GIMAP6: variants seen among roughly 807,000 people sequenced by gnomAD.
GIMAP6 encodes GTPase, IMAP family member 6, also known as GTPase IMAP family member 6.
In GIMAP6, 6 loss-of-function variants were observed where a neutral mutation model predicts 9.3. The ratio of observed to expected loss-of-function variants is 0.65; its 90% CI spans 0.35 to 1.27. The LOEUF (loss-of-function observed/expected upper bound fraction) is 1.27, where lower values mean the gene tolerates loss of function less well. Among genes scored for constraint, GIMAP6 ranks in the 50% most tolerant of loss-of-function variants. GIMAP6 has a pLI of 0.03. For missense variants in GIMAP6, 333 were observed against 359.5 expected (o/e 0.93, Z 0.60); for synonymous variants, 156 against 151.1 (o/e 1.03, Z -0.24).
In GIMAP6 at chr7:150,627,869, A is replaced by G. The variant is rs768055792; in HGVS notation, c.729T>C (p.Phe243=). Reference sequence around the variant, plus strand: ...GCCTTTCCTGTAGTTCTTTCAGCCGAAAGTTTTGCTGGGTATATTGGTAAG... The same window carrying G: ...GCCTTTCCTGTAGTTCTTTCAGCCGGAAGTTTTGCTGGGTATATTGGTAAG... ...NKAYQYTQQN[F]RLKELQERQV... The change falls in exon 3 of 3, where the codon TTT becomes TTC. Residue 243 remains phenylalanine, a synonymous_variant. Transcript: ENST00000328902. 1.1e-5 allele frequency: 17 copies of G among 1,614,128 alleles called. No individual in the cohort carries two copies. The highest frequency in any genetic ancestry group is 1.4e-5 in the Non-Finnish European group (16 of 1,180,040).
intron 1 of GIMAP6, among the ~76,000 whole-genome samples, chr7:150,631,299 G>C (rs1353546776): frequency 2.0e-5 from 3 of 152,212 alleles, no homozygotes; most frequent in African/African-American, 7.2e-5. Context: ...GCTGGGCTGG[G>C]CATGGAGGGA....
chr7:150,630,017 C>T, intron 2 of GIMAP6, 41 bp downstream of exon 2: 1 of 1,362,092 alleles, frequency 7.3e-7, no homozygotes, highest in Non-Finnish European at 1.0e-6. Flanking sequence ...ACCTGCACCC[C>T]AAATGTTTCC....
intron 1 of GIMAP6, among the ~76,000 whole-genome samples, chr7:150,630,915 G>A (rs962745639): frequency 2.6e-5 from 4 of 152,186 alleles, no homozygotes; most frequent in African/African-American, 9.7e-5. Context: ...TTCCCAACCA[G>A]GAACTCCTGT....
chr7:150,628,823 T>C, intron 2 of GIMAP6: 1 of 1,212,290 alleles, frequency 8.2e-7, no homozygotes, highest in East Asian at 2.6e-5. Flanking sequence ...AATTCCCTTC[T>C]CCTGGCCTTG....
chr7:150,630,149 A>G lies in GIMAP6; in HGVS notation c.1-7T>C, dbSNP rs778374144. The G allele has an allele frequency of 1.7e-6, 1 of 588,282 alleles. No individual in the cohort carries two copies. Among genetic ancestry groups the G allele is most frequent in the Non-Finnish European group, 2.2e-6 (1 of 444,828 alleles). 36.4% of individuals were successfully genotyped at this position (588,282 alleles called of 1,614,324 possible). On this transcript the variant is annotated splice_region_variant and splice_polypyrimidine_tract_variant and intron_variant, in intron 1 of 2. Transcript: ENST00000328902. ...CATATTCTTCTTCCTCCATCTACAA[A>G]AAAAAAAAAAAAAAAAAAATCATAT...
In GIMAP6 at chr7:150,627,830, G is replaced by T. The variant is rs113226331; in HGVS notation, c.768C>A (p.Gly256=). The T allele has an allele frequency of 1.4e-3, 2,297 of 1,614,206 alleles. 27 individuals are homozygous for T. In the African/African-American group the frequency reaches 0.025, roughly 18 times the overall value. ...CACCAGGCACGTCCTCAGAGCCTTG[G>T]CCCTGGCTTACTTGCCTTTCCTGTA... ...KELQERQVSQ[G]QGSEDVPGEE... Residue 256 remains glycine (G), a synonymous_variant, in exon 3 of 3, where the codon GGC becomes GGA. Transcript: ENST00000328902.
Position 150,627,728 on chromosome 7 carries a change from A to T in GIMAP6, c.870T>A (p.Ala290=). 6.2e-7 allele frequency: 1 copy of T among 1,613,358 alleles called. No individual in the cohort carries two copies. The highest frequency in any genetic ancestry group is 2.2e-5 in the East Asian group (1 of 44,866). ...EEAHRCLLGK[A]DL ...CAAGTCCAGCACAGGCTCAAAGGTC[A>T]GCCTTCCCCAGCAGGCATCTGTGGG... Residue 290 remains alanine, a synonymous_variant, in exon 3 of 3, where the codon GCT becomes GCA. Transcript: ENST00000328902.
Position 150,627,890 on chromosome 7 carries a change from G to A in GIMAP6, c.708C>T (p.Tyr236=), listed in dbSNP as rs1796322206. The change falls in exon 3 of 3, where the codon TAC becomes TAT. Residue 236 remains tyrosine, a synonymous_variant. Transcript: ENST00000328902. The part of the protein sequence containing the change: ...NEGDYYSNKA[Y]QYTQQNFRLK... ...GCCGAAAGTTTTGCTGGGTATATTGGTAAGCCTTGTTGCTGTAATAATCTC... is the reference window on the plus strand; with the variant it reads ...GCCGAAAGTTTTGCTGGGTATATTGATAAGCCTTGTTGCTGTAATAATCTC... The A allele has an allele frequency of 2.5e-6, 4 of 1,614,238 alleles. No individual in the cohort carries two copies. Among genetic ancestry groups the A allele is most frequent in the African/African-American group, 2.7e-5 (2 of 75,078 alleles).
intron 2 of GIMAP6, chr7:150,628,721 G>A (rs150904817): frequency 6.7e-7 from 1 of 1,486,592 alleles, no homozygotes; most frequent in African/African-American, 1.4e-5. Context: ...CAAGAGCAGA[G>A]CCTAGAAAGA....
chr7:150,625,376 T>C lies in GIMAP6; in HGVS notation c.*2343A>G, dbSNP rs769796115. 2 of 152,176 alleles carry C rather than the reference T, an allele frequency of 1.3e-5. No individual in the cohort carries two copies. Among genetic ancestry groups the C allele is most frequent in the Non-Finnish European group, 2.9e-5 (2 of 68,042 alleles). 9.4% of individuals were successfully genotyped at this position (152,176 alleles called of 1,614,324 possible). ...CAATAAAAGAGAGAAAACACCATAT[T>C]TGAGGTAAATAAAAACAACATTTAA... On this transcript the variant is annotated 3_prime_UTR_variant, in exon 3 of 3. Transcript: ENST00000328902.
Position 150,628,161 on chromosome 7 carries a change from A to G in GIMAP6, c.437T>C (p.Leu146Pro). ...AACCCCCACTCCAAAGACCTCCTGC[A>G]GGCGCCTGACCACCTGCTGATCCTC... The part of the protein sequence containing the change: ...TDEDQQVVRR[L>P]QEVFGVGVLG... The change falls in exon 3 of 3, where the codon CTG becomes CCG. Residue 146 changes from leucine (L) to proline (P), a missense_variant. Physicochemically the swap from Leu to Pro is moderately conservative, Grantham distance 98. Coordinates refer to ENST00000328902, the MANE Select transcript of GIMAP6 (RefSeq NM_024711.6). 1.2e-6 allele frequency: 2 copies of G among 1,614,236 alleles called. No homozygotes were observed. The highest frequency in any genetic ancestry group is 1.7e-6 in the Non-Finnish European group (2 of 1,180,042).
In GIMAP6 at chr7:150,625,846, A is replaced by G. The variant is rs1796283223; in HGVS notation, c.*1873T>C. The G allele has an allele frequency of 6.6e-6, 1 of 152,234 alleles. No homozygotes were observed. 9.4% of individuals were successfully genotyped at this position (152,234 alleles called of 1,614,324 possible). A position where few individuals can be genotyped will look rare whatever the true frequency, so the allele number is the denominator to read the frequency against. On this transcript the variant is annotated 3_prime_UTR_variant, in exon 3 of 3. Transcript: ENST00000328902. Reference sequence around the variant, plus strand: ...AGTCAAAGCCACTGTAATCAAATCAATATTTTATTCATACAGGAGTAGAAA... The same window carrying G: ...AGTCAAAGCCACTGTAATCAAATCAGTATTTTATTCATACAGGAGTAGAAA...
chr7:150,628,723 C>T (rs1235874786), intron 2 of GIMAP6: 2 of 1,483,004 alleles, frequency 1.3e-6, no homozygotes, highest in Non-Finnish European at 1.8e-6. Flanking sequence ...AGAGCAGAGC[C>T]TAGAAAGAAG....
At chr7:150,631,543 A>G (rs1796391552) in intron 1 of GIMAP6, among the ~76,000 whole-genome samples, 1 of 152,202 alleles carries the variant, frequency 6.6e-6, no homozygotes. Flanking sequence ...CTTTAGAGAG[A>G]ACGGGCAGGC....
Position 150,631,416 on chromosome 7 carries a change from C to T in GIMAP6, c.-1+753G>A, listed in dbSNP as rs545281870. Among the ~76,000 whole-genome samples, 3 of 152,306 alleles carry T rather than the reference C, an allele frequency of 2.0e-5. No homozygotes were observed. The South Asian group carries it at 6.2e-4, about 32-fold the overall frequency. On this transcript the variant is annotated intron_variant, in intron 1 of 2. Coordinates refer to ENST00000328902, the MANE Select transcript of GIMAP6 (RefSeq NM_024711.6). Reference sequence around the variant, plus strand: ...ATTCTGGAAGGAGTACAATATTTCACCTACCAAAGGGAGTTAGTTCTTCCT... The same window carrying T: ...ATTCTGGAAGGAGTACAATATTTCATCTACCAAAGGGAGTTAGTTCTTCCT...
At chr7:150,630,330 C>T (rs971396778) in intron 1 of GIMAP6, among the ~76,000 whole-genome samples, 188 bp from the exon 2 acceptor site, 8 of 152,060 alleles carry the variant, frequency 5.3e-5, no homozygotes, top group Admixed American at 2.6e-4. Context: ...TTTAGGGACC[C>T]TATTTCTTTA....
rs777071769 is a variant in GIMAP6, at chr7:150,627,707, T to TCCAGCA, written c.*6_*11dup. On this transcript the variant is annotated 3_prime_UTR_variant, in exon 3 of 3. Coordinates refer to ENST00000328902, the MANE Select transcript of GIMAP6 (RefSeq NM_024711.6). The stretch of plus-strand genomic sequence containing the variant: ...AGGCTGATGGTGTCCTTGGCTCAAG[T>TCCAGCA]CCAGCACAGGCTCAAAGGTCAGCCT... The TCCAGCA allele has an allele frequency of 8.7e-6, 14 of 1,612,402 alleles. No individual in the cohort carries two copies. The Admixed American group carries it at 2.2e-4, about 25-fold the overall frequency.
chr7:150,628,268 G>T lies in GIMAP6; in HGVS notation c.330C>A (p.Asp110Glu), dbSNP rs369994995. The T allele has an allele frequency of 2.4e-5, 38 of 1,614,002 alleles. No individual in the cohort carries two copies. The highest frequency in any genetic ancestry group is 3.1e-5 in the Non-Finnish European group (37 of 1,179,984). ...ATAAGACGATGGCTTGGCAGATAGC[G>T]TCTGCCACCTCTGGCGAGACCTGGG... ...LSPQVSPEVADAICQAIVLSA... is the reference protein window; with the variant it reads ...LSPQVSPEVAEAICQAIVLSA... The change falls in exon 3 of 3, where the codon GAC becomes GAA. Residue 110 changes from aspartate (D) to glutamate (E), a missense_variant. Transcript: ENST00000328902.
At chr7:150,628,793 G>A in intron 2 of GIMAP6, 1 of 1,378,760 alleles carries the variant, frequency 7.3e-7, no homozygotes, top group Non-Finnish European at 9.5e-7. Context: ...AGATATGACT[G>A]GGGAAGAAGG....
Sources: gnomAD v4.1 joint callset for allele counts (sites outside exome capture counted in the v4.1 genomes callset) on GRCh38, gnomAD v4.1.1 for gene constraint, MANE v1.5 for transcripts, NCBI Gene and HGNC (gene_info 2026-07-23, HGNC 2026-07-21) for gene names.